GPHN: variants seen among roughly 807,000 people sequenced by gnomAD.
GPHN encodes the protein gephyrin.
In GPHN, 17 loss-of-function variants were observed where a neutral mutation model predicts 95.5. The observed-to-expected ratio is 0.18, with a 90% CI of 0.12 to 0.27. The LOEUF is 0.27. Ranked by LOEUF, GPHN falls within the 10% of genes least tolerant of loss-of-function variation. The pLI, the probability that GPHN is intolerant of heterozygous loss-of-function variation, is 1.00. For synonymous variants in GPHN, 320 were observed against 322.5 expected (o/e 0.99, Z 0.08); for missense variants, 660 against 978.1 (o/e 0.67, Z 4.34).
intron 1 of GPHN, among the ~76,000 whole-genome samples, chr14:66,576,883 A>C (rs111521391): frequency 6.0e-4 from 92 of 152,312 alleles, no homozygotes; most frequent in African/African-American, 1.9e-3. Context: ...AATAATTCAT[A>C]ATTTGAAATA....
rs900486995 is a variant in GPHN at position 66,846,869 on chromosome 14, G to A, written c.294+22303G>A. On this transcript the variant is annotated intron_variant, in intron 4 of 22. Coordinates refer to ENST00000478722, the MANE Select transcript of GPHN (RefSeq NM_020806.5). Reference sequence around the variant, plus strand: ...AGCACAGTGAGAGATTTTTGCCCCCGAAGTACAACTCTTATACCAATAATG... The same window carrying A: ...AGCACAGTGAGAGATTTTTGCCCCCAAAGTACAACTCTTATACCAATAATG... Among the ~76,000 whole-genome samples, 7 of 152,024 alleles carry A rather than the reference G, an allele frequency of 4.6e-5. No homozygotes were observed. The South Asian group carries it at 6.2e-4, about 14-fold the overall frequency.
the GPHN span, among the ~76,000 whole-genome samples, chr14:67,602,710 G>A: frequency 6.6e-6 from 1 of 152,130 alleles, no homozygotes; most frequent in Admixed American, 6.5e-5. Context: ...AGTATTAGTA[G>A]AGCTTGTGAT....
chr14:67,420,153 C>A, the GPHN span, among the ~76,000 whole-genome samples: 5 of 152,204 alleles, frequency 3.3e-5, no homozygotes, highest in African/African-American at 1.2e-4. Context: ...CCAGCTGAAG[C>A]CAGGTGCCAG....
chr14:67,069,643 T>C (rs991168672), intron 11 of GPHN, among the ~76,000 whole-genome samples: 3 of 152,126 alleles, frequency 2.0e-5, no homozygotes, highest in Non-Finnish European at 4.4e-5. Context: ...TAATCTTAAA[T>C]AAAAAAGCTT....
intron 10 of GPHN, among the ~76,000 whole-genome samples, chr14:67,049,793 G>A (rs1567257780): frequency 6.6e-6 from 1 of 152,200 alleles, no homozygotes; most frequent in Non-Finnish European, 1.5e-5. Context: ...TTACAGGCGT[G>A]AGCCACCGCG....
intron 8 of GPHN, among the ~76,000 whole-genome samples, chr14:66,932,143 G>T (rs972556729): frequency 2.0e-5 from 3 of 152,154 alleles, no homozygotes; most frequent in Admixed American, 1.3e-4. Flanking sequence ...CTGCCGTGGT[G>T]GTCTTAAATA....
chr14:67,295,892 G>C, the GPHN span, among the ~76,000 whole-genome samples: 135 of 152,262 alleles, frequency 8.9e-4, no homozygotes, highest in African/African-American at 3.1e-3. Context: ...TGTGTCCACA[G>C]AAAAGCTTAA....
intron 18 of GPHN, among the ~76,000 whole-genome samples, chr14:67,155,866 C>T (rs187888650): frequency 6.6e-6 from 1 of 151,980 alleles, no homozygotes; most frequent in East Asian, 1.9e-4. Context: ...GAAAATTTTA[C>T]CAGAAGGACA....
rs149572771 is a variant in GPHN at position 67,015,535 on chromosome 14, A to G, written c.964-8098A>G. ...AACACAGTGATACCTCATCTCTACT[A>G]AAAATACAAAAATTAGCCAGGTGTG... On this transcript the variant is annotated intron_variant, in intron 9 of 22. Transcript: ENST00000478722. 9.5e-3 allele frequency among the ~76,000 whole-genome samples: 1,438 copies of G among 152,152 alleles called. 36 individuals carry two copies. Among genetic ancestry groups the G allele is most frequent in the African/African-American group, 0.033 (1,360 of 41,490 alleles).
chr14:67,156,431 T>C (rs1216386625), intron 18 of GPHN, among the ~76,000 whole-genome samples: 1 of 152,176 alleles, frequency 6.6e-6, no homozygotes, highest in Non-Finnish European at 1.5e-5. Flanking sequence ...TTGTATTGTC[T>C]GGGAAGTGAT....
chr14:66,983,959 G>A (rs1011202770), intron 9 of GPHN, among the ~76,000 whole-genome samples: 16 of 152,136 alleles, frequency 1.1e-4, no homozygotes, highest in Non-Finnish European at 1.9e-4. Context: ...AGGGACTGTT[G>A]ATTTCGTTCT....
chr14:67,029,590 G>A (rs1367135903), intron 10 of GPHN, among the ~76,000 whole-genome samples: 1 of 152,134 alleles, frequency 6.6e-6, no homozygotes, highest in African/African-American at 2.4e-5. Flanking sequence ...ACCCGCCTCA[G>A]CCCCCCAAAG....
intron 6 of GPHN, among the ~76,000 whole-genome samples, chr14:66,921,172 A>G: frequency 6.6e-6 from 1 of 152,186 alleles, no homozygotes; most frequent in Non-Finnish European, 1.5e-5. Context: ...AGGAATCTCC[A>G]CAGTTTTCCT....
the GPHN span, among the ~76,000 whole-genome samples, chr14:67,188,458 G>C: frequency 2.0e-5 from 3 of 152,204 alleles, no homozygotes; most frequent in Non-Finnish European, 4.4e-5. Flanking sequence ...GTTAAGAGAT[G>C]AGATCAGATC....
At chr14:67,180,438 A>G (rs911293933) in intron 22 of GPHN, among the ~76,000 whole-genome samples, 1 of 152,210 alleles carries the variant, frequency 6.6e-6, no homozygotes, top group African/African-American at 2.4e-5. Flanking sequence ...GGCACTCAGT[A>G]AAGAAATGGT....
At chr14:67,569,879 G>T in the GPHN span, 1 of 1,309,484 alleles carries the variant, frequency 7.6e-7, no homozygotes. Flanking sequence ...CCCTTCCTGG[G>T]TTATGCCCTT....
rs563819238 is a variant in GPHN at position 66,879,371 on chromosome 14, A to G, written c.295-568A>G. ...AGTATATTAAAAAAAAAAAAAGTGG[A>G]GAAATCTGAAAAAAAAAAGACAGTT... On this transcript the variant is annotated intron_variant, in intron 4 of 22. Transcript: ENST00000478722. Among the ~76,000 whole-genome samples the G allele has an allele frequency of 2.0e-4, 31 of 151,316 alleles. 1 individual carries two copies. The highest frequency in any genetic ancestry group is 1.8e-3 in the Admixed American group (28 of 15,158).
chr14:67,035,283 T>C (rs1308646662), intron 10 of GPHN, among the ~76,000 whole-genome samples: 1 of 151,908 alleles, frequency 6.6e-6, no homozygotes, highest in Non-Finnish European at 1.5e-5. Context: ...GCATGTACTT[T>C]AATGAGGGGG....
At chr14:67,270,320 T>C in the GPHN span, 1 of 152,238 alleles carries the variant, frequency 6.6e-6, no homozygotes, top group East Asian at 1.9e-4. Context: ...AAATTTTTCT[T>C]GCTTTGTGGA....
Sources: gnomAD v4.1 joint callset for allele counts (sites outside exome capture counted in the v4.1 genomes callset) on GRCh38, gnomAD v4.1.1 for gene constraint, MANE v1.5 for transcripts, NCBI Gene and HGNC (gene_info 2026-07-23, HGNC 2026-07-21) for gene names.